The following UVSSA variants were observed in gnomAD, a reference collection of about 807,000 sequenced individuals.
The protein encoded by UVSSA is UV stimulated scaffold protein A.
In UVSSA, 72 loss-of-function variants were observed where a neutral mutation model predicts 73.9. That is an observed-to-expected ratio of 0.97 (90% CI 0.81 to 1.19). The LOEUF (loss-of-function observed/expected upper bound fraction) is 1.19, where lower values mean the gene tolerates loss of function less well. Among genes scored for constraint, UVSSA ranks in the 50% most tolerant of loss-of-function variants. The probability of loss-of-function intolerance (pLI) is 0.00; values close to 1 mark genes in which losing one functional copy is unlikely to be tolerated. For missense variants in UVSSA, 1,150 were observed against 965.0 expected (o/e 1.19, Z -2.54); for synonymous variants, 454 against 391.3 (o/e 1.16, Z -1.89).
In UVSSA at chr4:1,351,758, A is replaced by G. The variant is rs775989117; in HGVS notation, c.473A>G (p.Lys158Arg). Residue 158 changes from lysine to arginine, a missense_variant, in exon 4 of 14, where the codon AAG becomes AGG. Lys to Arg is a conservative substitution (Grantham distance 26). Coordinates refer to ENST00000389851, the MANE Select transcript of UVSSA (RefSeq NM_020894.4). ...AATGCTCGGAGTCTGGCAGAAAGGAAGAGAGAAGAGGAGAAGCAGAAGCAC... is the reference window on the plus strand; with the variant it reads ...AATGCTCGGAGTCTGGCAGAAAGGAGGAGAGAAGAGGAGAAGCAGAAGCAC... ...DTNARSLAER[K>R]REEEKQKHLD... The G allele has an allele frequency of 8.1e-6, 13 of 1,613,482 alleles. No individual in the cohort carries two copies. The African/African-American group carries it at 1.2e-4, about 15-fold the overall frequency.
rs1332569024 is a variant in UVSSA at position 1,351,806 on chromosome 4, GAGCC to G, written c.528_531del (p.Ser176ArgfsTer17). The stretch of plus-strand genomic sequence containing the variant: ...CACTTGGATAAAATTTATCAAGAAA[GAGCC>G]AGCCAGGCGGAGAGGGAGATGCAAG... On this transcript the variant is annotated frameshift_variant, in exon 4 of 14. Transcript: ENST00000389851. LOFTEE classifies it high-confidence loss of function. 6.2e-7 allele frequency: 1 copy of G among 1,613,538 alleles called. No individual in the cohort carries two copies. Among genetic ancestry groups the G allele is most frequent in the African/African-American group, 1.3e-5 (1 of 74,938 alleles).
At chr4:1,361,394 G>A (rs1716604288) in intron 7 of UVSSA, among the ~76,000 whole-genome samples, 1 of 152,280 alleles carries the variant, frequency 6.6e-6, no homozygotes, top group African/African-American at 2.4e-5. Context: ...TTGTAAGAGC[G>A]TGTTGATGAG....
At chr4:1,347,808 G>A (rs1007990594) in intron 1 of UVSSA, 48 bp downstream of exon 1, 11 of 363,772 alleles carry the variant, frequency 3.0e-5, no homozygotes, top group African/African-American at 2.1e-4. Context: ...AGCTGATTCG[G>A]ACAGCGCCAC....
rs545961165 is a variant in UVSSA, at chr4:1,366,150, G to A, written c.1177-170G>A. 22 of 592,700 alleles carry A rather than the reference G, an allele frequency of 3.7e-5. No homozygotes were observed. In the South Asian group the frequency reaches 4.0e-4, roughly 11 times the overall value. 36.7% of individuals were successfully genotyped at this position (592,700 alleles called of 1,614,324 possible). ...GAGGTGGTGTGATTTTGGGGAACAA[G>A]AACAGCCTTGGAGACGATCTTAAAT... On this transcript the variant is annotated intron_variant, in intron 7 of 13. Transcript: ENST00000389851.
At chr4:1,362,531 C>T (rs1469227028) in intron 7 of UVSSA, among the ~76,000 whole-genome samples, 2 of 152,248 alleles carry the variant, frequency 1.3e-5, no homozygotes, top group African/African-American at 4.8e-5. Context: ...CAAACCTAAC[C>T]TCATTTTGTA....
chr4:1,394,672 G>C, exon 14 of UVSSA: 1 of 1,579,748 alleles, frequency 6.3e-7, no homozygotes, highest in Non-Finnish European at 8.6e-7. Flanking sequence ...TGGAGTGCCC[G>C]CCTGCTCACA....
chr4:1,372,799 T>G (rs113733952), intron 8 of UVSSA, among the ~76,000 whole-genome samples: 2,516 of 41,770 alleles, frequency 0.06, 438 homozygotes, highest in African/African-American at 0.23. Context: ...GTCCCTGCAC[T>G]CACCTCCCGC....
At chr4:1,363,131 TAG>T (rs1716874266) in intron 7 of UVSSA, among the ~76,000 whole-genome samples, 1 of 151,910 alleles carries the variant, frequency 6.6e-6, no homozygotes, top group South Asian at 2.1e-4. Flanking sequence ...ACGGCCTCAG[TAG>T]TTGCAAGCTG....
At chr4:1,377,359 A>T (rs1317748894) in intron 10 of UVSSA, among the ~76,000 whole-genome samples, 1 of 152,056 alleles carries the variant, frequency 6.6e-6, no homozygotes, top group Non-Finnish European at 1.5e-5. Flanking sequence ...CCCTGGTCTC[A>T]CTCACAGCAG....
At chr4:1,373,730 G>A (rs949864133) in intron 8 of UVSSA, among the ~76,000 whole-genome samples, 2 of 152,140 alleles carry the variant, frequency 1.3e-5, no homozygotes, top group Admixed American at 6.5e-5. Flanking sequence ...GAAGAGACGA[G>A]GATGCTGACA....
At position 1,385,942 on chromosome 4, in the gene UVSSA, TTAAC is replaced by T. The variant is rs770474261; in HGVS notation, c.2114_2117del (p.Asn705ThrfsTer3). The T allele has an allele frequency of 2.5e-5, 41 of 1,613,914 alleles. No homozygotes were observed. The highest frequency in any genetic ancestry group is 1.5e-4 in the African/African-American group (11 of 74,936). On this transcript the variant is annotated frameshift_variant, in exon 14 of 14. Coordinates refer to ENST00000389851, the MANE Select transcript of UVSSA (RefSeq NM_020894.4). LOFTEE classifies it high-confidence loss of function. ...AAGCACGAGAAGTTTTCAAACCAGT[TTAAC>T]TACGCACTGAACTAGAGAGCGGGGC...
At chr4:1,350,734 A>G (rs893040993) in intron 3 of UVSSA, among the ~76,000 whole-genome samples, 1 of 150,056 alleles carries the variant, frequency 6.7e-6, no homozygotes, top group Non-Finnish European at 1.5e-5. Context: ...GTTTGAGTCC[A>G]GCCTTGGTAA....
chr4:1,348,127 C>A lies in UVSSA; in HGVS notation c.36C>A (p.Leu12=). The change falls in exon 2 of 14, where the codon CTC becomes CTA. Residue 12 remains leucine, a synonymous_variant. Coordinates refer to ENST00000389851, the MANE Select transcript of UVSSA (RefSeq NM_020894.4). ...AACTTTCGAAGTTGGTAGAAGAGCT[C>A]ACAACTTCAGGAGAACCCCGACTAA... The part of the protein sequence containing the change: ...DQKLSKLVEE[L]TTSGEPRLNP... 6.2e-7 allele frequency: 1 copy of A among 1,613,860 alleles called. No homozygotes were observed. The highest frequency in any genetic ancestry group is 2.2e-5 in the East Asian group (1 of 44,866).
chr4:1,376,339 T>G (rs1159366414), intron 10 of UVSSA, among the ~76,000 whole-genome samples, 171 bp downstream of exon 10: 1 of 152,222 alleles, frequency 6.6e-6, no homozygotes, highest in Admixed American at 6.5e-5. Context: ...CCTCCCCTGC[T>G]GATCCGGCTC....
rs1224412281 is a variant in UVSSA, at chr4:1,387,367, C to T, written c.*1406C>T. The T allele has an allele frequency of 6.6e-6, 1 of 152,230 alleles. No homozygotes were observed. Among genetic ancestry groups the T allele is most frequent in the African/African-American group, 2.4e-5 (1 of 41,458 alleles). The allele number at this position is 152,230 out of a possible 1,614,324, so 9.4% of individuals were successfully genotyped here. A position where few individuals can be genotyped will look rare whatever the true frequency, so the allele number is the denominator to read the frequency against. On this transcript the variant is annotated 3_prime_UTR_variant, in exon 14 of 14. Coordinates refer to ENST00000389851, the MANE Select transcript of UVSSA (RefSeq NM_020894.4). ...CTGGGATTACAGGTGTGAGCCACCG[C>T]ACTCAGCTGATTTGCAAAAACTTTC... is the stretch of plus-strand genomic sequence containing the variant.
intron 2 of UVSSA, among the ~76,000 whole-genome samples, chr4:1,348,624 TCACCC>T (rs1196237280): frequency 1.3e-5 from 2 of 152,168 alleles, no homozygotes; most frequent in African/African-American, 2.4e-5. Context: ...ATCTCTGCCG[TCACCC>T]TCAGGCAGCC....
At chr4:1,374,633 G>A (rs1420066264) in intron 8 of UVSSA, among the ~76,000 whole-genome samples, 2 of 152,210 alleles carry the variant, frequency 1.3e-5, no homozygotes, top group African/African-American at 2.4e-5. Flanking sequence ...GACCCTCTTC[G>A]ACGGGCACTC....
At chr4:1,395,755 C>G in exon 14 of UVSSA, 1 of 1,614,242 alleles carries the variant, frequency 6.2e-7, no homozygotes, top group Non-Finnish European at 8.5e-7. Context: ...CCGGCCGAGT[C>G]AGACGCTGTT....
intron 7 of UVSSA, among the ~76,000 whole-genome samples, chr4:1,361,649 G>A (rs1177079790): frequency 6.6e-6 from 1 of 152,268 alleles, no homozygotes; most frequent in East Asian, 1.9e-4. Context: ...AGATGCACAT[G>A]AGATATTGGC....
Sources: allele counts gnomAD v4.1 joint callset (sites outside exome capture counted in the v4.1 genomes callset), GRCh38; gene constraint gnomAD v4.1.1; transcripts MANE v1.5; gene names NCBI Gene and HGNC (gene_info 2026-07-23, HGNC 2026-07-21).